Variants in NR6A1 observed in about 807,000 individuals in gnomAD.
The protein encoded by NR6A1 is retinoic acid receptor-related testis-associated receptor.
NR6A1 carries 7 observed loss-of-function variants against 59.1 expected under a neutral mutation model. The ratio of observed to expected loss-of-function variants is 0.12; its 90% CI spans 0.07 to 0.22. NR6A1 has a LOEUF of 0.22. Among genes scored for constraint, NR6A1 ranks in the 10% least tolerant of loss-of-function variants. The pLI is 1.00. For synonymous variants in NR6A1, 243 were observed against 236.1 expected (o/e 1.03, Z -0.27); for missense variants, 468 against 611.6 (o/e 0.77, Z 2.48).
intron 2 of NR6A1, among the ~76,000 whole-genome samples, chr9:124,675,912 G>A (rs368910107): frequency 1.3e-5 from 2 of 152,156 alleles, no homozygotes; most frequent in African/African-American, 2.4e-5. Context: ...TTGCCGGTAC[G>A]TGTAGGTGTA....
intron 1 of NR6A1, among the ~76,000 whole-genome samples, chr9:124,764,752 A>C (rs950129513): frequency 6.6e-6 from 1 of 152,234 alleles, no homozygotes; most frequent in African/African-American, 2.4e-5. Context: ...CACTATTACC[A>C]AATTTTTAAA....
At chr9:124,761,752 T>C (rs563917331) in intron 1 of NR6A1, among the ~76,000 whole-genome samples, 32 of 152,342 alleles carry the variant, frequency 2.1e-4, no homozygotes, top group Admixed American at 1.7e-3. Context: ...CTCTTATAAA[T>C]TGTTCATTAT....
At chr9:124,695,951 T>G (rs1056583315) in intron 2 of NR6A1, among the ~76,000 whole-genome samples, 1 of 152,128 alleles carries the variant, frequency 6.6e-6, no homozygotes, top group Non-Finnish European at 1.5e-5. Flanking sequence ...TTCTCTTGGA[T>G]AAAACTAAGT....
At chr9:124,645,271 A>AAGG (rs1390041927) in intron 2 of NR6A1, among the ~76,000 whole-genome samples, 1 of 152,236 alleles carries the variant, frequency 6.6e-6, no homozygotes, top group Non-Finnish European at 1.5e-5. Flanking sequence ...AACAATAAAT[A>AAGG]TATAGCAGGT....
intron 1 of NR6A1, among the ~76,000 whole-genome samples, chr9:124,759,159 T>C (rs902560286): frequency 6.6e-6 from 1 of 152,222 alleles, no homozygotes; most frequent in African/African-American, 2.4e-5. Context: ...CTCTTTTCAT[T>C]AGGAAATCAC....
At chr9:124,665,742 C>T (rs996398307) in intron 2 of NR6A1, among the ~76,000 whole-genome samples, 1 of 152,076 alleles carries the variant, frequency 6.6e-6, no homozygotes, top group African/African-American at 2.4e-5. Context: ...CTAATCTGGG[C>T]TCTTAACAAC....
intron 6 of NR6A1, among the ~76,000 whole-genome samples, chr9:124,537,518 C>T (rs1046445485): frequency 1.3e-5 from 2 of 152,170 alleles, no homozygotes; most frequent in Admixed American, 6.5e-5. Context: ...CTTGATAACA[C>T]TCAAATCGTT....
At chr9:124,532,001 T>C (rs1171371164) in intron 7 of NR6A1, among the ~76,000 whole-genome samples, 1 of 152,194 alleles carries the variant, frequency 6.6e-6, no homozygotes, top group Non-Finnish European at 1.5e-5. Flanking sequence ...GAGATCTTTC[T>C]AAAATGCAAC....
intron 2 of NR6A1, among the ~76,000 whole-genome samples, chr9:124,652,085 G>A (rs569935489): frequency 2.6e-5 from 4 of 152,300 alleles, no homozygotes; most frequent in South Asian, 2.1e-4. Context: ...ATTGAAAAGC[G>A]ACTGCATGAA....
chr9:124,523,922 G>A (rs545662488), intron 9 of NR6A1, among the ~76,000 whole-genome samples: 2 of 152,200 alleles, frequency 1.3e-5, no homozygotes, highest in Non-Finnish European at 2.9e-5. Context: ...AGTATCTGCT[G>A]GACAGCCAGA....
intron 2 of NR6A1, among the ~76,000 whole-genome samples, chr9:124,615,871 G>A (rs543152127): frequency 3.3e-5 from 5 of 151,918 alleles, no homozygotes; most frequent in Non-Finnish European, 7.4e-5. Context: ...GTCTCGCTCT[G>A]TAGCCCAGGC....
intron 2 of NR6A1, among the ~76,000 whole-genome samples, chr9:124,647,922 A>G (rs538557023): frequency 2.6e-5 from 4 of 152,274 alleles, no homozygotes; most frequent in African/African-American, 9.6e-5. Context: ...AACTATTCCA[A>G]AAAATTGAAG....
intron 2 of NR6A1, among the ~76,000 whole-genome samples, chr9:124,618,998 CA>C (rs1835981423): frequency 6.6e-6 from 1 of 152,132 alleles, no homozygotes; most frequent in East Asian, 1.9e-4. Flanking sequence ...ATTCCACTTC[CA>C]GGGTTTTACG....
intron 1 of NR6A1, among the ~76,000 whole-genome samples, chr9:124,755,210 C>A (rs1245770672): frequency 6.6e-6 from 1 of 151,986 alleles, no homozygotes; most frequent in Admixed American, 6.6e-5. Context: ...TTTCAGAGAT[C>A]TCATTTTATT....
chr9:124,729,661 C>T (rs1839827714), intron 2 of NR6A1, among the ~76,000 whole-genome samples: 1 of 152,144 alleles, frequency 6.6e-6, no homozygotes, highest in African/African-American at 2.4e-5. Context: ...TCAGAATTCC[C>T]AGAATATGCA....
intron 2 of NR6A1, among the ~76,000 whole-genome samples, chr9:124,597,647 A>G (rs1253207311): frequency 1.3e-5 from 2 of 152,182 alleles, no homozygotes; most frequent in Non-Finnish European, 2.9e-5. Flanking sequence ...TGATGCACCC[A>G]TAAGCCTGAG....
chr9:124,575,522 C>T (rs981515181), intron 2 of NR6A1, among the ~76,000 whole-genome samples: 5 of 151,634 alleles, frequency 3.3e-5, no homozygotes, highest in Non-Finnish European at 7.4e-5. Context: ...TTCAATGAGC[C>T]GAGATCACAC....
intron 2 of NR6A1, among the ~76,000 whole-genome samples, chr9:124,619,915 GCCAAGC>G (rs1412324531): frequency 6.6e-6 from 1 of 152,052 alleles, no homozygotes; most frequent in African/African-American, 2.4e-5. Context: ...TACAAAATTA[GCCAAGC>G]ATGGTGGTGC....
chr9:124,728,154 G>A (rs962414954), intron 2 of NR6A1, among the ~76,000 whole-genome samples: 51 of 151,366 alleles, frequency 3.4e-4, no homozygotes, highest in African/African-American at 1.2e-3. Context: ...AGCCTCCCGA[G>A]TATCTGGGAC....
Sources: gnomAD v4.1 joint callset for allele counts (sites outside exome capture counted in the v4.1 genomes callset) on GRCh38, gnomAD v4.1.1 for gene constraint, MANE v1.5 for transcripts, NCBI Gene and HGNC (gene_info 2026-07-23, HGNC 2026-07-21) for gene names.